GRK5: variants seen among roughly 807,000 people sequenced by gnomAD.
GRK5 encodes g protein-coupled receptor kinase GRK5.
In GRK5, 40 loss-of-function variants were observed where a neutral mutation model predicts 78.4. The ratio of observed to expected loss-of-function variants is 0.51; its 90% confidence interval spans 0.40 to 0.66. The LOEUF is 0.66. Ranked by LOEUF, GRK5 falls within the 30% of genes least tolerant of loss-of-function variation. The pLI, the probability that GRK5 is intolerant of heterozygous loss-of-function variation, is 0.00. For synonymous variants in GRK5, 289 were observed against 296.8 expected, an observed-to-expected ratio of 0.97 and a Z score of 0.27; for missense variants, 598 against 759.9, an observed-to-expected ratio of 0.79 and a Z score of 2.50.
intron 2 of GRK5, among the ~76,000 whole-genome samples, chr10:119,344,931 T>TTCCTTCCC (rs1851060811): frequency 7.7e-6 from 1 of 129,316 alleles, no homozygotes; most frequent in Admixed American, 8.6e-5. Flanking sequence ...CCTTCCTTCC[T>TTCCTTCCC]TCCTTTTCCT....
chr10:119,289,951 G>A (rs774391827), intron 1 of GRK5, among the ~76,000 whole-genome samples: 7 of 152,120 alleles, frequency 4.6e-5, no homozygotes, highest in Non-Finnish European at 8.8e-5. Flanking sequence ...CTTACCGGCT[G>A]AGTACAGAAC....
intron 3 of GRK5, among the ~76,000 whole-genome samples, chr10:119,383,265 C>T (rs1049186751): frequency 6.6e-5 from 10 of 152,328 alleles, no homozygotes; most frequent in African/African-American, 2.4e-4. Flanking sequence ...GATCTAGAAA[C>T]TTGACCAAAT....
At chr10:119,403,401 G>A (rs529155406) in intron 4 of GRK5, among the ~76,000 whole-genome samples, 31 of 152,102 alleles carry the variant, frequency 2.0e-4, no homozygotes, top group African/African-American at 6.7e-4. Context: ...TCCTGACCTC[G>A]TGATCCACCC....
chr10:119,394,073 G>GGGT (rs1255129662), intron 3 of GRK5, among the ~76,000 whole-genome samples: 1 of 148,024 alleles, frequency 6.8e-6, no homozygotes. Context: ...GTGTGTCTGT[G>GGGT]GGTGTGTGTG....
At chr10:119,414,076 G>A (rs1486783196) in intron 4 of GRK5, among the ~76,000 whole-genome samples, 4 of 152,192 alleles carry the variant, frequency 2.6e-5, no homozygotes, top group Non-Finnish European at 1.5e-5. Flanking sequence ...GCCCCCTTGT[G>A]TGGAAGGAAG....
intron 1 of GRK5, among the ~76,000 whole-genome samples, chr10:119,286,327 G>A (rs1459186790): frequency 6.6e-6 from 1 of 152,252 alleles, no homozygotes; most frequent in East Asian, 1.9e-4. Context: ...GTCCTTTGAA[G>A]TAAAATCTTC....
intron 2 of GRK5, among the ~76,000 whole-genome samples, chr10:119,339,971 T>C (rs554175807): frequency 1.2e-4 from 18 of 152,292 alleles, no homozygotes; most frequent in Admixed American, 1.0e-3. Flanking sequence ...CATGAGCTAC[T>C]GTTGGCTGCT....
rs146600635 is a variant in GRK5, at chr10:119,220,024, G to A, written c.52+12055G>A. On this transcript the variant is annotated intron_variant, in intron 1 of 15. Coordinates refer to ENST00000392870, the MANE Select transcript of GRK5 (RefSeq NM_005308.3). ...GACCTGGCATTTGAAGGATGTAATC[G>A]TTAAAGAAAAATTGCCTTTCTGCTC... Among the ~76,000 whole-genome samples, 22 of 152,304 alleles carry A rather than the reference G, an allele frequency of 1.4e-4. No homozygotes were observed. In the East Asian group the frequency reaches 1.7e-3, roughly 12 times the overall value.
chr10:119,312,329 C>A (rs1366965556), intron 1 of GRK5, among the ~76,000 whole-genome samples: 4 of 152,168 alleles, frequency 2.6e-5, no homozygotes, highest in African/African-American at 9.7e-5. Context: ...TGTGCAAAAG[C>A]TGCAAGGAGG....
rs1193399817 is a variant in GRK5 at position 119,368,801 on chromosome 10, C to T, written c.149-12014C>T. On this transcript the variant is annotated intron_variant, in intron 2 of 15. Transcript: ENST00000392870. ...CAGGCAGCCTGGCCCAGCCTTGCCT[C>T]CGCCCAGGGACCTGAGCCCAGGGAG... Among the ~76,000 whole-genome samples the T allele has an allele frequency of 3.9e-5, 6 of 152,352 alleles. No individual in the cohort carries two copies. In the South Asian group the frequency reaches 1.0e-3, roughly 26 times the overall value.
chr10:119,418,049 T>C (rs1238118915), intron 4 of GRK5, among the ~76,000 whole-genome samples: 14 of 151,678 alleles, frequency 9.2e-5, no homozygotes, highest in Non-Finnish European at 1.6e-4. Flanking sequence ...TCATCGGGGG[T>C]CCCGAGGGGA....
intron 2 of GRK5, among the ~76,000 whole-genome samples, chr10:119,337,769 G>A (rs1438595566): frequency 6.6e-6 from 1 of 152,062 alleles, no homozygotes; most frequent in Admixed American, 6.5e-5. Flanking sequence ...ACAGGCACCC[G>A]CCACTGTGCC....
intron 1 of GRK5, among the ~76,000 whole-genome samples, chr10:119,240,180 G>A (rs1589696245): frequency 9.5e-6 from 1 of 105,042 alleles, no homozygotes; most frequent in African/African-American, 3.7e-5. Context: ...TCCAGCATCT[G>A]TTTCCCGACT....
At chr10:119,226,585 C>T (rs1848745236) in intron 1 of GRK5, among the ~76,000 whole-genome samples, 1 of 149,634 alleles carries the variant, frequency 6.7e-6, no homozygotes. Context: ...CTCACGCTTG[C>T]CCAGGCTGGA....
chr10:119,239,653 G>T (rs1427336719), intron 1 of GRK5, among the ~76,000 whole-genome samples: 1 of 152,096 alleles, frequency 6.6e-6, no homozygotes, highest in Non-Finnish European at 1.5e-5. Flanking sequence ...CCTACGTTTG[G>T]TTTTTCTCCT....
At chr10:119,234,668 TTTCTTTTCTTTTCTTTC>T (rs1848889624) in intron 1 of GRK5, among the ~76,000 whole-genome samples, 1 of 151,542 alleles carries the variant, frequency 6.6e-6, no homozygotes. Context: ...CCTCCCCTTT[TTTCTTTTCTTTTCTTTC>T]TTCTTTTCTT....
chr10:119,275,063 T>C (rs944363399), intron 1 of GRK5, among the ~76,000 whole-genome samples: 1 of 152,136 alleles, frequency 6.6e-6, no homozygotes, highest in Admixed American at 6.5e-5. Flanking sequence ...CTCTCTGGGT[T>C]TGGGGAAGAT....
intron 1 of GRK5, among the ~76,000 whole-genome samples, chr10:119,318,095 C>T (rs1850521723): frequency 6.6e-6 from 1 of 152,080 alleles, no homozygotes; most frequent in African/African-American, 2.4e-5. Context: ...AAGGAAGCTC[C>T]TTCCAACAAA....
chr10:119,439,913 G>A (rs1852998815), intron 10 of GRK5, 145 bp downstream of exon 10: 1 of 707,700 alleles, frequency 1.4e-6, no homozygotes, highest in Admixed American at 2.3e-5. Flanking sequence ...GGGGAAGGGG[G>A]AAAGCTGTGA....
Sources: allele counts gnomAD v4.1 joint callset (sites outside exome capture counted in the v4.1 genomes callset), GRCh38; gene constraint gnomAD v4.1.1; transcripts MANE v1.5; gene names NCBI Gene and HGNC (gene_info 2026-07-23, HGNC 2026-07-21).